Variants in ABCA13 observed in about 807,000 individuals in gnomAD.
ABCA13 encodes ATP binding cassette subfamily A member 13.
A neutral mutation model predicts 478.7 loss-of-function variants in ABCA13; 476 were observed. That is an observed-to-expected ratio of 0.99 (90% CI 0.92 to 1.07). The LOEUF is 1.07. Among genes scored for constraint, ABCA13 ranks in the 50% least tolerant of loss-of-function variants. ABCA13 has a pLI of 0.00. For synonymous variants in ABCA13, 2,252 were observed against 2,158.9 expected (o/e 1.04, Z -1.20); for missense variants, 6,060 against 5,910.6 (o/e 1.03, Z -0.83).
intron 33 of ABCA13, among the ~76,000 whole-genome samples, chr7:48,373,124 T>C (rs1324857276): frequency 1.3e-5 from 2 of 152,202 alleles, no homozygotes; most frequent in East Asian, 3.8e-4. Context: ...GGCATCACTA[T>C]AAACACTTGC....
intron 42 of ABCA13, among the ~76,000 whole-genome samples, chr7:48,445,336 A>T (rs1044647170): frequency 2.0e-5 from 3 of 152,154 alleles, no homozygotes; most frequent in African/African-American, 7.2e-5. Flanking sequence ...TAAGTATTTG[A>T]TCACATTATT....
intron 55 of ABCA13, among the ~76,000 whole-genome samples, chr7:48,578,760 A>G (rs1255004011): frequency 6.6e-6 from 1 of 152,222 alleles, no homozygotes; most frequent in Non-Finnish European, 1.5e-5. Context: ...ATGGAAGAAC[A>G]AAGTCTGAAG....
In ABCA13 at chr7:48,561,742, C is replaced by T. The variant is rs553587940; in HGVS notation, c.14355-18482C>T. On this transcript the variant is annotated intron_variant, in intron 55 of 61. Transcript: ENST00000435803. Reference sequence around the variant, plus strand: ...GTAGCTTTTTATTTTGATATAATCCCGTTTGTCTTTGTTTCTATTGCTTGA... The same window carrying T: ...GTAGCTTTTTATTTTGATATAATCCTGTTTGTCTTTGTTTCTATTGCTTGA... 5.3e-5 allele frequency among the ~76,000 whole-genome samples: 8 copies of T among 152,036 alleles called. No individual in the cohort carries two copies. The East Asian group carries it at 1.4e-3, about 26-fold the overall frequency.
intron 15 of ABCA13, among the ~76,000 whole-genome samples, chr7:48,251,403 G>A (rs1792532261): frequency 6.6e-6 from 1 of 152,132 alleles, no homozygotes; most frequent in Non-Finnish European, 1.5e-5. Flanking sequence ...TGTGAGATAG[G>A]TACCATTATG....
At chr7:48,260,966 T>A (rs1794088968) in intron 15 of ABCA13, among the ~76,000 whole-genome samples, 1 of 152,022 alleles carries the variant, frequency 6.6e-6, no homozygotes, top group South Asian at 2.1e-4. Flanking sequence ...TGTAGGTAAG[T>A]GATTTTTAGA....
chr7:48,437,099 C>G (rs1171303242), intron 42 of ABCA13, among the ~76,000 whole-genome samples: 1 of 151,792 alleles, frequency 6.6e-6, no homozygotes, highest in Non-Finnish European at 1.5e-5. Context: ...TTATTCTATC[C>G]ATTATTGAGA....
chr7:48,206,331 A>G (rs895941648), intron 3 of ABCA13, among the ~76,000 whole-genome samples: 3 of 152,224 alleles, frequency 2.0e-5, no homozygotes, highest in African/African-American at 4.8e-5. Flanking sequence ...TTGTATTACA[A>G]CTGCCTACAG....
At chr7:48,300,133 A>C (rs6943725) in intron 23 of ABCA13, among the ~76,000 whole-genome samples, 1 of 152,002 alleles carries the variant, frequency 6.6e-6, no homozygotes. Context: ...TTTTAGCAGC[A>C]CCATATTATT....
chr7:48,206,554 C>G (rs1317700544), intron 3 of ABCA13, among the ~76,000 whole-genome samples: 1 of 151,994 alleles, frequency 6.6e-6, no homozygotes, highest in Non-Finnish European at 1.5e-5. Context: ...TTTATTTTTC[C>G]CATGGGTAAG....
chr7:48,261,502 C>T (rs1794177584), intron 15 of ABCA13, among the ~76,000 whole-genome samples: 2 of 151,764 alleles, frequency 1.3e-5, no homozygotes, highest in African/African-American at 4.8e-5. Flanking sequence ...TGTTAGCCAT[C>T]AGTTGAACCC....
chr7:48,627,226 G>A, intron 59 of ABCA13: 1 of 253,346 alleles, frequency 3.9e-6, no homozygotes, highest in Non-Finnish European at 6.2e-6. Context: ...ATTGAGAAAA[G>A]CAGTTTTCAA....
chr7:48,446,376 G>T (rs1585358601), intron 42 of ABCA13, among the ~76,000 whole-genome samples: 2 of 134,962 alleles, frequency 1.5e-5, no homozygotes, highest in Admixed American at 7.8e-5. Flanking sequence ...ATAATGCTTT[G>T]TCATGCCCTT....
At chr7:48,262,607 A>G (rs955296595) in intron 15 of ABCA13, among the ~76,000 whole-genome samples, 8 of 151,732 alleles carry the variant, frequency 5.3e-5, no homozygotes, top group Non-Finnish European at 1.0e-4. Context: ...ATGTGGTTGT[A>G]TATTTTTATA....
chr7:48,300,977 A>G (rs1241792725), intron 23 of ABCA13, among the ~76,000 whole-genome samples: 2 of 152,232 alleles, frequency 1.3e-5, no homozygotes, highest in Admixed American at 6.5e-5. Context: ...TTCTTTTAAA[A>G]TTAGCAATGA....
intron 38 of ABCA13, among the ~76,000 whole-genome samples, chr7:48,397,836 G>A (rs1323043083): frequency 6.6e-6 from 1 of 152,174 alleles, no homozygotes; most frequent in African/African-American, 2.4e-5. Flanking sequence ...AAGTCCTTGA[G>A]GGACCGAAGT....
At position 48,287,837 on chromosome 7, in the gene ABCA13, G is replaced by C. The variant is rs148161327; in HGVS notation, c.8837-123G>C. 3,220 of 712,968 alleles carry C rather than the reference G, an allele frequency of 4.5e-3. 167 individuals carry two copies. The Admixed American group carries it at 0.073, about 16-fold the overall frequency. The allele number at this position is 712,968 out of a possible 1,614,324, so 44.2% of individuals were successfully genotyped here. Reference sequence around the variant, plus strand: ...CCCTCATCATCTGAATGTTCATCTTGATGATTTAAGAAATGTTTAGGAATT... The same window carrying C: ...CCCTCATCATCTGAATGTTCATCTTCATGATTTAAGAAATGTTTAGGAATT... On this transcript the variant is annotated intron_variant, in intron 19 of 61. Coordinates refer to ENST00000435803, the MANE Select transcript of ABCA13 (RefSeq NM_152701.5).
intron 45 of ABCA13, among the ~76,000 whole-genome samples, chr7:48,477,769 T>G: frequency 6.8e-6 from 1 of 147,894 alleles, no homozygotes; most frequent in Non-Finnish European, 1.5e-5. Context: ...AGGGATAGCA[T>G]TAGGAGATAT....
intron 59 of ABCA13, chr7:48,626,924 A>C: frequency 1.0e-6 from 1 of 985,444 alleles, no homozygotes; most frequent in Non-Finnish European, 1.2e-6. Context: ...AGCAGGAGAG[A>C]AAACTTAAAG....
chr7:48,321,420 G>A (rs1439732934), intron 27 of ABCA13, among the ~76,000 whole-genome samples: 2 of 152,176 alleles, frequency 1.3e-5, no homozygotes, highest in Middle Eastern at 3.2e-3. Context: ...CTCCTCTACT[G>A]GTGATGGTCC....
Sources: allele counts gnomAD v4.1 joint callset (sites outside exome capture counted in the v4.1 genomes callset), GRCh38; gene constraint gnomAD v4.1.1; transcripts MANE v1.5; gene names NCBI Gene and HGNC (gene_info 2026-07-23, HGNC 2026-07-21).